Variants in SPIDR observed in about 807,000 individuals in gnomAD.
The protein encoded by SPIDR is DNA repair-scaffolding protein.
In SPIDR, 93 loss-of-function variants were observed where a neutral mutation model predicts 104.6. That is an observed-to-expected ratio of 0.89 (90% CI 0.75 to 1.06). The LOEUF (loss-of-function observed/expected upper bound fraction) is 1.06. Ranked by LOEUF, SPIDR falls within the 50% of genes least tolerant of loss-of-function variation. The pLI is 0.00. For synonymous variants in SPIDR, 431 were observed against 416.9 expected (o/e 1.03, Z -0.41); for missense variants, 1,154 against 1,111.2 (o/e 1.04, Z -0.55).
At chr8:47,341,637 C>G (rs929837864) in intron 5 of SPIDR, among the ~76,000 whole-genome samples, 1 of 152,142 alleles carries the variant, frequency 6.6e-6, no homozygotes, top group Non-Finnish European at 1.5e-5. Flanking sequence ...TGGATCTCCA[C>G]CCCTGTGTTT....
At chr8:47,278,680 T>A (rs1369284603) in intron 1 of SPIDR, among the ~76,000 whole-genome samples, 1 of 152,042 alleles carries the variant, frequency 6.6e-6, no homozygotes, top group East Asian at 1.9e-4. Flanking sequence ...GGCTCTCGGC[T>A]CATTGCAACC....
At chr8:47,334,473 G>A (rs2049328205) in intron 5 of SPIDR, among the ~76,000 whole-genome samples, 1 of 152,138 alleles carries the variant, frequency 6.6e-6, no homozygotes, top group Admixed American at 6.5e-5. Context: ...GGATTGTTGT[G>A]TCTTCTTGGA....
rs1051839525 is a variant in SPIDR, at chr8:47,713,639, A to T, written c.2339A>T (p.Gln780Leu). The change falls in exon 16 of 20, where the codon CAA (glutamine) becomes CTA (leucine). Residue 780 changes from glutamine to leucine, a missense_variant and splice_region_variant. Physicochemically the swap from Gln to Leu is moderately radical, Grantham distance 113 (BLOSUM62 -2). Transcript: ENST00000297423. ...CCTGTCAACTCCATCTGCAGTGTTC[A>T]AGGTAGGCAGCCATCTCACAGGAAT... ...ATPVNSICSV[Q>L]GTVVGVDEST... 1 of 1,614,040 alleles carries T rather than the reference A, an allele frequency of 6.2e-7. No homozygotes were observed. The highest frequency in any genetic ancestry group is 1.7e-5 in the Admixed American group (1 of 60,028).
At chr8:47,630,112 C>T (rs1445072555) in intron 10 of SPIDR, among the ~76,000 whole-genome samples, 4 of 152,182 alleles carry the variant, frequency 2.6e-5, no homozygotes, top group Admixed American at 2.0e-4. Flanking sequence ...CAAGTTTTCT[C>T]ACCATACTTT....
At chr8:47,418,296 T>C (rs1031649544) in intron 7 of SPIDR, among the ~76,000 whole-genome samples, 11 of 152,214 alleles carry the variant, frequency 7.2e-5, no homozygotes, top group African/African-American at 2.4e-4. Context: ...TCTTTTATTT[T>C]GTTGAGCAGT....
At chr8:47,480,418 A>G (rs1303682823) in intron 8 of SPIDR, among the ~76,000 whole-genome samples, 1 of 152,250 alleles carries the variant, frequency 6.6e-6, no homozygotes, top group Non-Finnish European at 1.5e-5. Flanking sequence ...CCAGGAGGAA[A>G]GGTCCTAAAT....
intron 5 of SPIDR, among the ~76,000 whole-genome samples, chr8:47,332,983 G>C (rs1554605637): frequency 6.6e-6 from 1 of 150,402 alleles, no homozygotes; most frequent in East Asian, 2.0e-4. Context: ...TTCTTTTGCT[G>C]TGCAGAAGCT....
At chr8:47,695,274 ACT>A (rs1052083293) in intron 11 of SPIDR, among the ~76,000 whole-genome samples, 3 of 151,998 alleles carry the variant, frequency 2.0e-5, no homozygotes, top group African/African-American at 7.2e-5. Flanking sequence ...ATCCAAATGA[ACT>A]CTCTTGGAGA....
chr8:47,682,078 G>A (rs557204235), intron 11 of SPIDR, among the ~76,000 whole-genome samples: 9 of 151,960 alleles, frequency 5.9e-5, no homozygotes, highest in Non-Finnish European at 8.8e-5. Context: ...CAAGGTGGTC[G>A]TTGTCCTAAA....
intron 5 of SPIDR, among the ~76,000 whole-genome samples, chr8:47,319,471 C>T (rs887716880): frequency 9.9e-5 from 15 of 152,166 alleles, no homozygotes; most frequent in African/African-American, 2.9e-4. Context: ...TACAAAGATA[C>T]TTAGACTCCC....
At chr8:47,555,441 C>T (rs983791753) in intron 8 of SPIDR, among the ~76,000 whole-genome samples, 2 of 152,046 alleles carry the variant, frequency 1.3e-5, no homozygotes, top group African/African-American at 4.8e-5. Context: ...GAAATAGACA[C>T]GTTCTACAGA....
intron 16 of SPIDR, among the ~76,000 whole-genome samples, chr8:47,725,904 T>G (rs2084158864): frequency 6.6e-6 from 1 of 152,280 alleles, no homozygotes; most frequent in Admixed American, 6.5e-5. Context: ...GAACTTTGGC[T>G]GGTAGCAGTC....
rs759805167 is a variant in SPIDR, at chr8:47,729,451, G to A, written c.2590G>A (p.Ala864Thr). Residue 864 changes from alanine to threonine, a missense_variant, in exon 19 of 20, where the codon GCC becomes ACC. Transcript: ENST00000297423. Reference sequence around the variant, plus strand: ...CATTTCCTCCCTGCTGAGGTTTGCCGCCGGTGAAGATGGGGTAAGTGCAGG... The same window carrying A: ...CATTTCCTCCCTGCTGAGGTTTGCCACCGGTGAAGATGGGGTAAGTGCAGG... ...RSISSLLRFA[A>T]GEDGSYEVKS... 24 of 1,597,722 alleles carry A rather than the reference G, an allele frequency of 1.5e-5. No individual in the cohort carries two copies. The highest frequency in any genetic ancestry group is 1.0e-4 in the Admixed American group (6 of 57,746).
In SPIDR at chr8:47,270,629, T is replaced by G. The variant is rs2035114041; in HGVS notation, c.34-9233T>G. Among the ~76,000 whole-genome samples, 3 of 152,224 alleles carry G rather than the reference T, an allele frequency of 2.0e-5. No homozygotes were observed. In the South Asian group the frequency reaches 6.2e-4, roughly 32 times the overall value. On this transcript the variant is annotated intron_variant, in intron 1 of 19. Coordinates refer to ENST00000297423, the MANE Select transcript of SPIDR (RefSeq NM_001080394.4). ...TATTCTTTGTTGTTTTTCTATTCTC[T>G]CTGTCATTTATTTCTGCCAGATGGA...
intron 8 of SPIDR, among the ~76,000 whole-genome samples, chr8:47,582,827 TAC>T (rs72295566): frequency 0.24 from 31,480 of 129,798 alleles, 3,500 homozygotes; most frequent in South Asian, 0.35. Context: ...AACAACAAAT[TAC>T]ACACACACAC....
At chr8:47,629,619 G>A (rs1036078013) in intron 10 of SPIDR, among the ~76,000 whole-genome samples, 8 of 152,196 alleles carry the variant, frequency 5.3e-5, no homozygotes, top group Non-Finnish European at 4.4e-5. Flanking sequence ...TGGGTGTGGC[G>A]GCATGAACCT....
chr8:47,644,415 G>A (rs979528663), intron 10 of SPIDR, among the ~76,000 whole-genome samples: 1 of 152,180 alleles, frequency 6.6e-6, no homozygotes, highest in Non-Finnish European at 1.5e-5. Flanking sequence ...ACGTAATCGT[G>A]TTACCTTCAT....
intron 7 of SPIDR, among the ~76,000 whole-genome samples, chr8:47,410,583 C>A (rs2063374516): frequency 6.6e-6 from 1 of 151,918 alleles, no homozygotes; most frequent in South Asian, 2.1e-4. Context: ...AAATAATAAT[C>A]TTTACAACTC....
intron 11 of SPIDR, among the ~76,000 whole-genome samples, chr8:47,682,127 G>A (rs752836968): frequency 1.3e-5 from 2 of 151,892 alleles, no homozygotes; most frequent in African/African-American, 4.8e-5. Context: ...TGGAAGTAAA[G>A]GAAGGAAACA....
Sources: gnomAD v4.1 joint callset for allele counts (sites outside exome capture counted in the v4.1 genomes callset) on GRCh38, gnomAD v4.1.1 for gene constraint, MANE v1.5 for transcripts, NCBI Gene and HGNC (gene_info 2026-07-23, HGNC 2026-07-21) for gene names.